TMEM266: variants seen among roughly 807,000 people sequenced by gnomAD.
The protein encoded by TMEM266 is Hv1 related protein 1.
TMEM266 carries 33 observed loss-of-function variants against 50.5 expected under a neutral mutation model. The ratio of observed to expected loss-of-function variants is 0.65; its 90% CI spans 0.50 to 0.87. TMEM266 has a LOEUF of 0.87. Among genes scored for constraint, TMEM266 ranks in the 40% least tolerant of loss-of-function variants. The pLI is 0.00. For synonymous variants in TMEM266, 310 were observed against 292.3 expected, an observed-to-expected ratio of 1.06 and a Z score of -0.62; for missense variants, 655 against 695.1, an observed-to-expected ratio of 0.94 and a Z score of 0.65.
At chr15:76,191,004 G>T (rs939494887) in intron 8 of TMEM266, among the ~76,000 whole-genome samples, 1 of 152,226 alleles carries the variant, frequency 6.6e-6, no homozygotes, top group Non-Finnish European at 1.5e-5. Context: ...TAAACTCCTC[G>T]TTGGCCCAGA....
intron 1 of TMEM266, 45 bp from the exon 2 acceptor site, chr15:76,134,123 T>C: frequency 2.5e-6 from 2 of 807,964 alleles, no homozygotes; most frequent in South Asian, 1.7e-5. Flanking sequence ...TAGGAGGACT[T>C]TGGTTTGGCA....
At chr15:76,076,591 A>G (rs1270717252) in intron 1 of TMEM266, among the ~76,000 whole-genome samples, 1 of 152,134 alleles carries the variant, frequency 6.6e-6, no homozygotes, top group Non-Finnish European at 1.5e-5. Flanking sequence ...ATTCCTAGGC[A>G]GGAAGAGTTT....
intron 8 of TMEM266, among the ~76,000 whole-genome samples, chr15:76,177,685 G>T (rs1176385969): frequency 2.6e-5 from 4 of 152,258 alleles, no homozygotes; most frequent in African/African-American, 7.2e-5. Flanking sequence ...AGGAAGAGAA[G>T]CATTCCCTTC....
chr15:76,117,060 G>A (rs1255005542), intron 1 of TMEM266, among the ~76,000 whole-genome samples: 2 of 151,780 alleles, frequency 1.3e-5, no homozygotes, highest in African/African-American at 4.8e-5. Flanking sequence ...CCACCACGCC[G>A]GGCTAATTTT....
At chr15:76,061,305 AT>A (rs2036298440) in intron 1 of TMEM266, among the ~76,000 whole-genome samples, 1 of 152,208 alleles carries the variant, frequency 6.6e-6, no homozygotes, top group Non-Finnish European at 1.5e-5. Flanking sequence ...AGCTAAAACT[AT>A]TTGTGTATGA....
intron 1 of TMEM266, among the ~76,000 whole-genome samples, chr15:76,075,730 G>A (rs2036595412): frequency 6.7e-6 from 1 of 149,640 alleles, no homozygotes; most frequent in African/African-American, 2.5e-5. Flanking sequence ...ATATATAGGA[G>A]TGTCAGATCT....
chr15:76,108,216 C>T (rs2037115459), intron 1 of TMEM266, among the ~76,000 whole-genome samples: 1 of 152,230 alleles, frequency 6.6e-6, no homozygotes, highest in African/African-American at 2.4e-5. Context: ...GAGAGGGTCA[C>T]ACTAACCTGC....
At chr15:76,114,767 A>G (rs569980379) in intron 1 of TMEM266, among the ~76,000 whole-genome samples, 2 of 152,290 alleles carry the variant, frequency 1.3e-5, no homozygotes, top group South Asian at 2.1e-4. Flanking sequence ...TGCAATCATT[A>G]CTACTATTTA....
At chr15:76,154,349 G>A (rs928458525) in intron 3 of TMEM266, among the ~76,000 whole-genome samples, 2 of 152,134 alleles carry the variant, frequency 1.3e-5, no homozygotes, top group Non-Finnish European at 2.9e-5. Flanking sequence ...GGTTTCCTCT[G>A]TAGCCCCTTG....
intron 3 of TMEM266, among the ~76,000 whole-genome samples, chr15:76,156,390 A>T (rs2037926203): frequency 6.6e-6 from 1 of 152,150 alleles, no homozygotes; most frequent in African/African-American, 2.4e-5. Flanking sequence ...AGAAAAAAAA[A>T]GTGGCCAGCT....
chr15:76,141,212 C>T (rs1406623509), intron 3 of TMEM266, among the ~76,000 whole-genome samples: 1 of 151,314 alleles, frequency 6.6e-6, no homozygotes, highest in Admixed American at 6.6e-5. Flanking sequence ...CTACCCTGTC[C>T]AATGCCTTTA....
chr15:76,108,093 C>A (rs1203806478), intron 1 of TMEM266, among the ~76,000 whole-genome samples: 1 of 152,258 alleles, frequency 6.6e-6, no homozygotes, highest in Non-Finnish European at 1.5e-5. Context: ...GAAGCCTGCA[C>A]AAACAAGCAA....
At chr15:76,134,955 G>A (rs988055825) in intron 2 of TMEM266, among the ~76,000 whole-genome samples, 1 of 152,198 alleles carries the variant, frequency 6.6e-6, no homozygotes, top group Non-Finnish European at 1.5e-5. Flanking sequence ...ATCTAGAGGA[G>A]GCTGGACTCT....
intron 8 of TMEM266, among the ~76,000 whole-genome samples, chr15:76,176,712 C>T (rs533395490): frequency 6.6e-5 from 10 of 152,300 alleles, no homozygotes; most frequent in African/African-American, 2.2e-4. Flanking sequence ...GAGGAATGCC[C>T]GTGGCCGCAT....
intron 8 of TMEM266, among the ~76,000 whole-genome samples, chr15:76,185,560 A>T (rs537273701): frequency 6.6e-6 from 1 of 152,306 alleles, no homozygotes; most frequent in South Asian, 2.1e-4. Flanking sequence ...TATTAATTGT[A>T]GTTATTTTGA....
At chr15:76,170,006 G>A (rs1487897688) in intron 6 of TMEM266, 134 bp downstream of exon 6, 20 of 873,174 alleles carry the variant, frequency 2.3e-5, no homozygotes, top group Non-Finnish European at 3.0e-5. Flanking sequence ...CTGTGGCTGT[G>A]CATGTTGGGT....
chr15:76,112,564 A>G (rs571950463), intron 1 of TMEM266: 2 of 152,308 alleles, frequency 1.3e-5, no homozygotes, highest in African/African-American at 4.8e-5. Flanking sequence ...ATGACCTTGC[A>G]CATCTGCTGC....
Position 76,170,871 on chromosome 15 carries a change from G to A in TMEM266, c.514-122G>A, listed in dbSNP as rs114434871. The stretch of plus-strand genomic sequence containing the variant: ...AGGAGGGGCCACCCGGGGTGGGGTG[G>A]CCTTCTGGTGGGGGCCCGGGCTGCT... On this transcript the variant is annotated intron_variant, in intron 6 of 10. Coordinates refer to ENST00000388942, the MANE Select transcript of TMEM266 (RefSeq NM_152335.3). 1.9e-3 allele frequency: 2,299 copies of A among 1,232,512 alleles called. 35 individuals carry two copies. In the African/African-American group the frequency reaches 0.032, roughly 17 times the overall value. The allele number at this position is 1,232,512 out of a possible 1,614,324, so 76.3% of individuals were successfully genotyped here.
At chr15:76,105,013 C>T (rs556042689) in intron 1 of TMEM266, among the ~76,000 whole-genome samples, 7 of 152,216 alleles carry the variant, frequency 4.6e-5, no homozygotes, top group Admixed American at 3.3e-4. Context: ...AGGTCAGGTT[C>T]ACAACCTGTC....
Sources: gnomAD v4.1 joint callset for allele counts (sites outside exome capture counted in the v4.1 genomes callset) on GRCh38, gnomAD v4.1.1 for gene constraint, MANE v1.5 for transcripts, NCBI Gene and HGNC (gene_info 2026-07-23, HGNC 2026-07-21) for gene names.